The following SLC31A1 variants were observed in gnomAD, a reference collection of about 807,000 sequenced individuals.
The protein encoded by SLC31A1 is solute carrier family 31 member 1, also known as high affinity copper uptake protein 1.
Under a neutral mutation model 17.2 loss-of-function variants are expected in SLC31A1, and 5 were observed. That is an observed-to-expected ratio of 0.29 (90% CI 0.15 to 0.61). The LOEUF (loss-of-function observed/expected upper bound fraction) is 0.61, where lower values mean the gene tolerates loss of function less well. Ranked by LOEUF, SLC31A1 falls within the 20% of genes least tolerant of loss-of-function variation. SLC31A1 has a pLI of 0.86. For missense variants in SLC31A1, 161 were observed against 241.4 expected, an observed-to-expected ratio of 0.67 and a Z score of 2.21; for synonymous variants, 76 against 78.8, an observed-to-expected ratio of 0.96 and a Z score of 0.19.
chr9:113,246,233 C>T (rs1215927093), intron 1 of SLC31A1, among the ~76,000 whole-genome samples: 4 of 150,942 alleles, frequency 2.7e-5, no homozygotes, highest in Admixed American at 6.6e-5. Context: ...TTAGTACAGA[C>T]GAGGTTTCAC....
chr9:113,223,229 A>C (rs4412423), intron 1 of SLC31A1: 2 of 453,916 alleles, frequency 4.4e-6, no homozygotes, highest in Non-Finnish European at 8.9e-6. Flanking sequence ...GCAGATTATC[A>C]CTGTAGAAAC....
intron 1 of SLC31A1, among the ~76,000 whole-genome samples, chr9:113,240,991 A>C (rs1161918965): frequency 6.7e-6 from 1 of 150,264 alleles, no homozygotes; most frequent in Admixed American, 6.7e-5. Flanking sequence ...TGGAAGTTGC[A>C]GTGAGCCGAG....
chr9:113,252,583 C>G (rs1831667369), intron 1 of SLC31A1, among the ~76,000 whole-genome samples: 2 of 152,170 alleles, frequency 1.3e-5, no homozygotes, highest in Non-Finnish European at 2.9e-5. Flanking sequence ...CCACCGCACC[C>G]AGCCTAGTCT....
intron 4 of SLC31A1, among the ~76,000 whole-genome samples, chr9:113,259,791 GC>G (rs1831770155): frequency 6.6e-6 from 1 of 151,880 alleles, no homozygotes; most frequent in Non-Finnish European, 1.5e-5. Flanking sequence ...TCGCCATGTT[GC>G]CCAGGCTGGT....
chr9:113,254,397 G>A (rs1831696324), intron 1 of SLC31A1, among the ~76,000 whole-genome samples: 2 of 152,104 alleles, frequency 1.3e-5, no homozygotes, highest in Non-Finnish European at 1.5e-5. Flanking sequence ...TCAGAGTTTG[G>A]TATATAATAG....
intron 1 of SLC31A1, among the ~76,000 whole-genome samples, chr9:113,232,255 A>T (rs1831409429): frequency 6.6e-6 from 1 of 152,206 alleles, no homozygotes; most frequent in Non-Finnish European, 1.5e-5. Flanking sequence ...AGTATAATGT[A>T]TCATTATTTC....
intron 1 of SLC31A1, among the ~76,000 whole-genome samples, chr9:113,235,874 G>A (rs1311665113): frequency 6.6e-6 from 1 of 152,186 alleles, no homozygotes; most frequent in Non-Finnish European, 1.5e-5. Context: ...TTTAAGATTG[G>A]TTCTGGAAAG....
At chr9:113,235,900 G>A (rs901016496) in intron 1 of SLC31A1, among the ~76,000 whole-genome samples, 16 of 152,206 alleles carry the variant, frequency 1.1e-4, no homozygotes, top group African/African-American at 3.9e-4. Flanking sequence ...TGAACAGTAT[G>A]TTCTGGAATG....
At chr9:113,223,295 G>T in intron 1 of SLC31A1, 1 of 443,540 alleles carries the variant, frequency 2.3e-6, no homozygotes, top group Non-Finnish European at 4.5e-6. Flanking sequence ...GGTGAGTCTT[G>T]CCAGGCTTTG....
chr9:113,228,971 C>G (rs1175947290), intron 1 of SLC31A1, among the ~76,000 whole-genome samples: 1 of 151,962 alleles, frequency 6.6e-6, no homozygotes, highest in Admixed American at 6.6e-5. Context: ...CTTAGCCTCC[C>G]TAGTATCTGG....
chr9:113,234,769 G>A (rs953207096), intron 1 of SLC31A1, among the ~76,000 whole-genome samples: 1 of 152,018 alleles, frequency 6.6e-6, no homozygotes, highest in Non-Finnish European at 1.5e-5. Context: ...ACTTTGAGAA[G>A]CACTTGAGTT....
rs1473307212 is a variant in SLC31A1 at position 113,223,952 on chromosome 9, A to G, written c.-36+2274A>G. Among the ~76,000 whole-genome samples the G allele has an allele frequency of 1.3e-5, 2 of 152,256 alleles. 1 individual carries two copies. The highest frequency in any genetic ancestry group is 2.9e-5 in the Non-Finnish European group (2 of 68,050). On this transcript the variant is annotated intron_variant, in intron 1 of 4. Coordinates refer to ENST00000374212, the MANE Select transcript of SLC31A1 (RefSeq NM_001859.4). Reference sequence around the variant, plus strand: ...TTAGGGCCATTAGTTGGTTAACTGAAGAAGTAAGTTAAAGCAGGGAATCAT... The same window carrying G: ...TTAGGGCCATTAGTTGGTTAACTGAGGAAGTAAGTTAAAGCAGGGAATCAT...
In SLC31A1 at chr9:113,236,207, C is replaced by G. The variant is rs7864332; in HGVS notation, c.-36+14529C>G. On this transcript the variant is annotated intron_variant, in intron 1 of 4. Coordinates refer to ENST00000374212, the MANE Select transcript of SLC31A1 (RefSeq NM_001859.4). ...TTTGCCATGTTGGCCAGGCTGGTCT[C>G]AGACTCCTGGCCTCAAGTGATCTGC... Among the ~76,000 whole-genome samples, 276 of 152,260 alleles carry G rather than the reference C, an allele frequency of 1.8e-3. 2 individuals carry two copies. The highest frequency in any genetic ancestry group is 6.4e-3 in the African/African-American group (266 of 41,544).
chr9:113,232,301 C>T (rs1831409799), intron 1 of SLC31A1, among the ~76,000 whole-genome samples: 2 of 152,010 alleles, frequency 1.3e-5, no homozygotes, highest in South Asian at 4.1e-4. Context: ...ATCTCTTTTC[C>T]TTCCCAAAAT....
At position 113,247,454 on chromosome 9, in the gene SLC31A1, T is replaced by G. The variant is rs755171009; in HGVS notation, c.-35-8660T>G. The stretch of plus-strand genomic sequence containing the variant: ...TCCATAGTCCCTATGGATTATTATA[T>G]CTTATTCTTATTGTACCATAGAAAT... On this transcript the variant is annotated intron_variant, in intron 1 of 4. Coordinates refer to ENST00000374212, the MANE Select transcript of SLC31A1 (RefSeq NM_001859.4). Among the ~76,000 whole-genome samples, 5 of 152,306 alleles carry G rather than the reference T, an allele frequency of 3.3e-5. No homozygotes were observed. In the South Asian group the frequency reaches 8.3e-4, roughly 25 times the overall value.
intron 2 of SLC31A1, 51 bp from the exon 3 acceptor site, chr9:113,257,062 C>A: frequency 1.4e-6 from 2 of 1,423,358 alleles, no homozygotes; most frequent in South Asian, 2.3e-5. Context: ...CCCAAATTCT[C>A]ATTTAGAATT....
chr9:113,256,060 G>A, intron 1 of SLC31A1, 54 bp from the exon 2 acceptor site: 1 of 1,318,390 alleles, frequency 7.6e-7, no homozygotes. Context: ...ATAAAAAAAA[G>A]AGATAAGATT....
chr9:113,254,174 G>A (rs1364163487), intron 1 of SLC31A1, among the ~76,000 whole-genome samples: 6 of 151,708 alleles, frequency 4.0e-5, no homozygotes, highest in South Asian at 4.2e-4. Flanking sequence ...GGCTGGTCTC[G>A]AACTCCTGGC....
intron 1 of SLC31A1, among the ~76,000 whole-genome samples, chr9:113,235,115 A>G (rs991765370): frequency 6.6e-6 from 1 of 152,170 alleles, no homozygotes; most frequent in Non-Finnish European, 1.5e-5. Context: ...CATCCAGAAT[A>G]TGTAAAGAAC....
Sources: gnomAD v4.1 joint callset for allele counts (sites outside exome capture counted in the v4.1 genomes callset) on GRCh38, gnomAD v4.1.1 for gene constraint, MANE v1.5 for transcripts, NCBI Gene and HGNC (gene_info 2026-07-23, HGNC 2026-07-21) for gene names.